VMP1: variants seen among roughly 807,000 people sequenced by gnomAD.
VMP1 encodes ectopic P-granules autophagy protein 3 homolog.
Under a neutral mutation model 56.0 loss-of-function variants are expected in VMP1, and 11 were observed. The observed-to-expected ratio is 0.20, with a 90% CI of 0.12 to 0.32. The LOEUF is 0.32. Ranked by LOEUF, VMP1 falls within the 10% of genes least tolerant of loss-of-function variation. The probability of loss-of-function intolerance (pLI) is 1.00; values close to 1 mark genes in which losing one functional copy is unlikely to be tolerated. For missense variants in VMP1, 296 were observed against 490.3 expected (o/e 0.60, Z 3.74); for synonymous variants, 149 against 165.0 (o/e 0.90, Z 0.74).
At chr17:59,815,027 C>T (rs1319303237) in intron 9 of VMP1, among the ~76,000 whole-genome samples, 1 of 152,112 alleles carries the variant, frequency 6.6e-6, no homozygotes, top group Non-Finnish European at 1.5e-5. Flanking sequence ...AATAGTAAAC[C>T]TGTCTCCTTG....
In VMP1 at chr17:59,818,869, T is replaced by G. The variant is rs527820539; in HGVS notation, c.974+1096T>G. On this transcript the variant is annotated intron_variant, in intron 10 of 11. Transcript: ENST00000262291. ...GCCCCACGGGGGAAATGTGTCAAGTTTAAGTGCCCTTTGTTTAGTTTTAAT... is the reference window on the plus strand; with the variant it reads ...GCCCCACGGGGGAAATGTGTCAAGTGTAAGTGCCCTTTGTTTAGTTTTAAT... Among the ~76,000 whole-genome samples the G allele has an allele frequency of 5.3e-5, 8 of 152,336 alleles. No individual in the cohort carries two copies. In the East Asian group the frequency reaches 1.5e-3, roughly 29 times the overall value.
Position 59,764,969 on chromosome 17 carries a change from A to G in VMP1, c.415-2A>G. ...CAGAAGTTTCTTGTATTTGTTTTAT[A>G]GGGTCCACATATAGCCTCAGTTACA... On this transcript the variant is annotated splice_acceptor_variant, in intron 5 of 11. Coordinates refer to ENST00000262291, the MANE Select transcript of VMP1 (RefSeq NM_030938.5). LOFTEE classifies it high-confidence loss of function. The G allele has an allele frequency of 6.4e-7, 1 of 1,560,990 alleles. No homozygotes were observed. The highest frequency in any genetic ancestry group is 8.6e-7 in the Non-Finnish European group (1 of 1,156,360).
chr17:59,789,835 C>CTTTCT (rs1555622181), intron 7 of VMP1, among the ~76,000 whole-genome samples: 11 of 85,966 alleles, frequency 1.3e-4, no homozygotes, highest in African/African-American at 4.8e-4. Context: ...CTTTCTTTCC[C>CTTTCT]TTTTTTTTTT....
chr17:59,832,356 G>A (rs2038837471), intron 10 of VMP1, among the ~76,000 whole-genome samples: 1 of 151,440 alleles, frequency 6.6e-6, no homozygotes, highest in African/African-American at 2.4e-5. Context: ...GTAGAGACAG[G>A]ATTTCGCCAT....
At chr17:59,760,859 T>C (rs2036025576) in intron 5 of VMP1, among the ~76,000 whole-genome samples, 1 of 152,168 alleles carries the variant, frequency 6.6e-6, no homozygotes, top group African/African-American at 2.4e-5. Flanking sequence ...GACCTCATGA[T>C]CCACCCACCT....
chr17:59,742,847 G>T (rs1031445812), intron 5 of VMP1, among the ~76,000 whole-genome samples: 12 of 152,130 alleles, frequency 7.9e-5, no homozygotes, highest in African/African-American at 2.4e-4. Context: ...ATTGTGAACT[G>T]CACATACGAG....
chr17:59,835,493 G>GTTT (rs1175072049), intron 10 of VMP1, among the ~76,000 whole-genome samples: 2 of 134,820 alleles, frequency 1.5e-5, no homozygotes, highest in African/African-American at 2.7e-5. Context: ...GCAGTTTTTT[G>GTTT]TTTTTTTTTT....
intron 5 of VMP1, among the ~76,000 whole-genome samples, chr17:59,745,247 G>T (rs9891965): frequency 0.14 from 20,880 of 152,114 alleles, 1,697 homozygotes; most frequent in Middle Eastern, 0.26. Context: ...CTGATAGGCA[G>T]CTAACATTTA....
chr17:59,732,041 T>A (rs2034844047), intron 2 of VMP1, among the ~76,000 whole-genome samples: 3 of 152,214 alleles, frequency 2.0e-5, no homozygotes, highest in Non-Finnish European at 4.4e-5. Flanking sequence ...ATGGATGATT[T>A]AAGTAGAAAC....
intron 1 of VMP1, among the ~76,000 whole-genome samples, chr17:59,726,050 T>C (rs1442178560): frequency 1.3e-5 from 2 of 152,170 alleles, no homozygotes; most frequent in Admixed American, 1.3e-4. Flanking sequence ...TTTAGAATGT[T>C]ATTTATAAGG....
intron 9 of VMP1, among the ~76,000 whole-genome samples, chr17:59,812,157 T>G (rs1168245782): frequency 6.6e-6 from 1 of 152,212 alleles, no homozygotes; most frequent in Admixed American, 6.5e-5. Flanking sequence ...TGTTTTGTTT[T>G]GTTTTACCAA....
At chr17:59,711,381 AG>A (rs749391968) in intron 1 of VMP1, among the ~76,000 whole-genome samples, 5 of 151,342 alleles carry the variant, frequency 3.3e-5, no homozygotes, top group African/African-American at 4.8e-5. Context: ...TTTTTGCCCA[AG>A]TGCCCTTGCT....
In VMP1 at chr17:59,731,433, T is replaced by C; in HGVS notation, c.-14T>C. The C allele has an allele frequency of 6.3e-7, 1 of 1,593,726 alleles. No homozygotes were observed. Among genetic ancestry groups the C allele is most frequent in the Non-Finnish European group, 8.5e-7 (1 of 1,172,380 alleles). On this transcript the variant is annotated 5_prime_UTR_variant, in exon 2 of 12. Coordinates refer to ENST00000262291, the MANE Select transcript of VMP1 (RefSeq NM_030938.5). ...TTTGCTGTATTAGCTCCTCAAGAGTTACTGATCTATGAAATGGCAGAGAAT... is the reference window on the plus strand; with the variant it reads ...TTTGCTGTATTAGCTCCTCAAGAGTCACTGATCTATGAAATGGCAGAGAAT...
At chr17:59,756,992 C>T (rs1880716332) in intron 5 of VMP1, among the ~76,000 whole-genome samples, 1 of 152,032 alleles carries the variant, frequency 6.6e-6, no homozygotes, top group Admixed American at 6.6e-5. Flanking sequence ...TAGTATAAAT[C>T]CAGAAAACTT....
chr17:59,775,133 A>G (rs1198596148), intron 7 of VMP1, among the ~76,000 whole-genome samples: 2 of 151,554 alleles, frequency 1.3e-5, no homozygotes, highest in African/African-American at 4.9e-5. Context: ...TTTAGTAGAG[A>G]CGGGGTTTCA....
chr17:59,747,027 A>G (rs960096552), intron 5 of VMP1, among the ~76,000 whole-genome samples: 2 of 152,208 alleles, frequency 1.3e-5, no homozygotes, highest in Admixed American at 1.3e-4. Flanking sequence ...TTTGGCTGCC[A>G]CTAGGTGGCA....
At chr17:59,778,036 G>C (rs934381519) in intron 7 of VMP1, among the ~76,000 whole-genome samples, 1 of 151,866 alleles carries the variant, frequency 6.6e-6, no homozygotes, top group Non-Finnish European at 1.5e-5. Flanking sequence ...AAACCTTTTT[G>C]CTTCTAATAT....
At chr17:59,775,394 G>A (rs1363883022) in intron 7 of VMP1, among the ~76,000 whole-genome samples, 2 of 152,282 alleles carry the variant, frequency 1.3e-5, no homozygotes, top group African/African-American at 2.4e-5. Flanking sequence ...CAGCCTGGGT[G>A]ACAGAATGGG....
chr17:59,741,972 GTGAC>G (rs2035243854), intron 5 of VMP1, among the ~76,000 whole-genome samples: 1 of 152,138 alleles, frequency 6.6e-6, no homozygotes, highest in Admixed American at 6.5e-5. Context: ...TTTTTACTGA[GTGAC>G]TGGGTAGATT....
Sources: allele counts gnomAD v4.1 joint callset (sites outside exome capture counted in the v4.1 genomes callset), GRCh38; gene constraint gnomAD v4.1.1; transcripts MANE v1.5; gene names NCBI Gene and HGNC (gene_info 2026-07-23, HGNC 2026-07-21).